Variants in PRELID2 observed in about 807,000 individuals in gnomAD.
PRELID2 encodes PRELI domain containing 2.
Under a neutral mutation model 28.4 loss-of-function variants are expected in PRELID2, and 25 were observed. The observed-to-expected ratio is 0.88, with a 90% CI of 0.64 to 1.23. The LOEUF (loss-of-function observed/expected upper bound fraction) is 1.23, where lower values mean the gene tolerates loss of function less well. Among genes scored for constraint, PRELID2 ranks in the 50% most tolerant of loss-of-function variants. The pLI is 0.00. For synonymous variants in PRELID2, 76 were observed against 71.6 expected (o/e 1.06, Z -0.31); for missense variants, 201 against 214.4 (o/e 0.94, Z 0.39).
chr5:145,360,100 G>A, the PRELID2 span, among the ~76,000 whole-genome samples: 1 of 152,186 alleles, frequency 6.6e-6, no homozygotes, highest in Non-Finnish European at 1.5e-5. Context: ...TAGGGAACCA[G>A]CCACACTCCT....
the PRELID2 span, among the ~76,000 whole-genome samples, chr5:145,330,316 T>A: frequency 0.026 from 3,915 of 152,304 alleles, 161 homozygotes; most frequent in African/African-American, 0.089. Context: ...GTTTCTCTTT[T>A]TCTATTGTTT....
At chr5:145,387,868 G>A in the PRELID2 span, among the ~76,000 whole-genome samples, 2 of 150,304 alleles carry the variant, frequency 1.3e-5, no homozygotes, top group Non-Finnish European at 3.0e-5. Flanking sequence ...GGAGGTTGCA[G>A]TAAGCCCAGA....
chr5:145,277,991 AC>A, the PRELID2 span, among the ~76,000 whole-genome samples: 9 of 152,144 alleles, frequency 5.9e-5, no homozygotes, highest in Non-Finnish European at 1.2e-4. Flanking sequence ...GCCTGCGAGA[AC>A]CAGTGATTCT....
At chr5:145,545,450 C>CAA (rs113856480) in intron 1 of PRELID2, among the ~76,000 whole-genome samples, 5,598 of 146,732 alleles carry the variant, frequency 0.038, 176 homozygotes, top group African/African-American at 0.073. Context: ...GAGTAGAAGG[C>CAA]AAAAAAAAAA....
the PRELID2 span, among the ~76,000 whole-genome samples, chr5:145,340,667 A>G: frequency 6.6e-6 from 1 of 151,764 alleles, no homozygotes; most frequent in South Asian, 2.1e-4. Flanking sequence ...CCCAGGAGGC[A>G]CAGGTAGGAG....
intron 1 of PRELID2, among the ~76,000 whole-genome samples, chr5:145,481,078 G>C (rs1447324736): frequency 6.6e-6 from 1 of 152,048 alleles, no homozygotes; most frequent in Non-Finnish European, 1.5e-5. Flanking sequence ...CATTATTTGA[G>C]TGGGGTCAAC....
At chr5:145,736,446 A>C (rs1429240567) in intron 1 of PRELID2, among the ~76,000 whole-genome samples, 1 of 152,206 alleles carries the variant, frequency 6.6e-6, no homozygotes, top group African/African-American at 2.4e-5. Flanking sequence ...GCCTCAAGTG[A>C]CTATTTGAAT....
the PRELID2 span, chr5:145,440,691 C>A: frequency 6.6e-6 from 1 of 152,000 alleles, no homozygotes; most frequent in African/African-American, 2.4e-5. Context: ...GAGTCACAAC[C>A]AACACTCTAT....
intron 4 of PRELID2, among the ~76,000 whole-genome samples, chr5:145,804,849 CA>C (rs1753389911): frequency 6.6e-6 from 1 of 152,110 alleles, no homozygotes; most frequent in Non-Finnish European, 1.5e-5. Context: ...TCAAATTACA[CA>C]ATGGTTTGTA....
At chr5:145,581,387 T>G (rs1419791113) in intron 1 of PRELID2, among the ~76,000 whole-genome samples, 2 of 152,112 alleles carry the variant, frequency 1.3e-5, no homozygotes, top group Non-Finnish European at 2.9e-5. Flanking sequence ...TGTCTGGTAT[T>G]GCGCAGACAT....
At chr5:145,644,873 T>C (rs1021762759) in intron 1 of PRELID2, among the ~76,000 whole-genome samples, 2 of 152,208 alleles carry the variant, frequency 1.3e-5, no homozygotes, top group East Asian at 3.9e-4. Flanking sequence ...CGCTGTGGTC[T>C]GAGAGACTGT....
intron 1 of PRELID2, among the ~76,000 whole-genome samples, chr5:145,543,515 C>T (rs938016016): frequency 2.6e-5 from 4 of 152,044 alleles, no homozygotes; most frequent in South Asian, 4.1e-4. Flanking sequence ...TTATTTGTTG[C>T]TGGTCAATGA....
chr5:145,639,711 A>T lies in PRELID2; in HGVS notation n.70+125220T>A, dbSNP rs567433307. Among the ~76,000 whole-genome samples the T allele has an allele frequency of 7.9e-5, 12 of 152,352 alleles. No homozygotes were observed. The South Asian group carries it at 2.5e-3, about 32-fold the overall frequency. The stretch of plus-strand genomic sequence containing the variant: ...AAGTGCGTTGGGTTGGGCCTAAGGG[A>T]TATTTTCTTTAGTCCACACATTTTA... On this transcript the variant is annotated intron_variant and non_coding_transcript_variant, in intron 1 of 2. Coordinates refer to the PRELID2 transcript ENST00000510259.
chr5:145,307,547 C>T, the PRELID2 span, among the ~76,000 whole-genome samples: 3 of 152,218 alleles, frequency 2.0e-5, no homozygotes. Flanking sequence ...AGCTGCCTCT[C>T]AATCCTCTGT....
intron 4 of PRELID2, among the ~76,000 whole-genome samples, chr5:145,797,443 T>C (rs573165709): frequency 5.9e-5 from 9 of 152,068 alleles, no homozygotes; most frequent in South Asian, 2.1e-4. Context: ...TCAGTAGGGA[T>C]AGAAAAGTGC....
chr5:145,669,575 G>C (rs1003151979), intron 1 of PRELID2, among the ~76,000 whole-genome samples: 1 of 152,060 alleles, frequency 6.6e-6, no homozygotes, highest in Non-Finnish European at 1.5e-5. Context: ...CATGGCTCAA[G>C]GGATCTGATT....
At chr5:145,711,369 G>C (rs1755690605) in intron 1 of PRELID2, among the ~76,000 whole-genome samples, 1 of 152,180 alleles carries the variant, frequency 6.6e-6, no homozygotes, top group East Asian at 1.9e-4. Flanking sequence ...GCTCCTGCTA[G>C]GAGAGAACAT....
chr5:145,794,886 G>T (rs1358993676), intron 5 of PRELID2, among the ~76,000 whole-genome samples: 1 of 152,016 alleles, frequency 6.6e-6, no homozygotes, highest in African/African-American at 2.4e-5. Context: ...TGAAATAGGG[G>T]TTAGCTATAC....
chr5:145,377,095 T>G, the PRELID2 span, among the ~76,000 whole-genome samples: 25 of 152,230 alleles, frequency 1.6e-4, no homozygotes, highest in Non-Finnish European at 3.7e-4. Context: ...GTATATTTGT[T>G]GTCATTAGTT....
Sources: gnomAD v4.1 joint callset for allele counts (sites outside exome capture counted in the v4.1 genomes callset) on GRCh38, gnomAD v4.1.1 for gene constraint, MANE v1.5 for transcripts, NCBI Gene and HGNC (gene_info 2026-07-23, HGNC 2026-07-21) for gene names.